The following RUNX1 variants were observed in gnomAD, a reference collection of about 807,000 sequenced individuals.
RUNX1 encodes RUNX family transcription factor 1.
In RUNX1, 19 loss-of-function variants were observed where a neutral mutation model predicts 42.8. The observed-to-expected ratio is 0.44, with a 90% CI of 0.31 to 0.65. RUNX1 has a LOEUF of 0.65. Ranked by LOEUF, RUNX1 falls within the 30% of genes least tolerant of loss-of-function variation. The pLI is 0.07. For synonymous variants in RUNX1, 271 were observed against 289.4 expected (o/e 0.94, Z 0.64); for missense variants, 528 against 672.0 (o/e 0.79, Z 2.37).
At chr21:34,927,052 G>C (rs540205593) in intron 2 of RUNX1, among the ~76,000 whole-genome samples, 1 of 152,192 alleles carries the variant, frequency 6.6e-6, no homozygotes, top group East Asian at 1.9e-4. Context: ...GGAACCAGTT[G>C]CCTGCCCAAA....
chr21:34,808,573 C>T (rs2056715479), intron 7 of RUNX1, among the ~76,000 whole-genome samples: 1 of 152,184 alleles, frequency 6.6e-6, no homozygotes, highest in South Asian at 2.1e-4. Context: ...ACCTCTGTTT[C>T]CTCACCTCTA....
chr21:34,977,352 GA>G (rs1555911476), intron 2 of RUNX1, among the ~76,000 whole-genome samples: 1 of 152,180 alleles, frequency 6.6e-6, no homozygotes, highest in African/African-American at 2.4e-5. Flanking sequence ...CCATTTAGAG[GA>G]AAAAACTTAC....
At chr21:35,041,216 T>A (rs1371312477) in intron 2 of RUNX1, among the ~76,000 whole-genome samples, 2 of 152,242 alleles carry the variant, frequency 1.3e-5, no homozygotes, top group Non-Finnish European at 2.9e-5. Context: ...CAAAGTAGAA[T>A]CTTTGCAAAA....
intron 2 of RUNX1, among the ~76,000 whole-genome samples, chr21:34,970,442 T>C (rs750512393): frequency 6.6e-6 from 1 of 152,236 alleles, no homozygotes; most frequent in Non-Finnish European, 1.5e-5. Flanking sequence ...AGAAGACAGA[T>C]GTGGCAGAAG....
intron 4 of RUNX1, 118 bp downstream of exon 4, chr21:34,886,725 G>C (rs1211199426): frequency 2.0e-6 from 3 of 1,512,346 alleles, no homozygotes; most frequent in Admixed American, 1.9e-5. Context: ...GACCGACCCG[G>C]GGCTGCGGGG....
intron 7 of RUNX1, among the ~76,000 whole-genome samples, chr21:34,800,652 T>A (rs1035570151): frequency 6.6e-6 from 1 of 152,234 alleles, no homozygotes; most frequent in African/African-American, 2.4e-5. Context: ...TTCCAGCAGT[T>A]CAAGTTTGCC....
intron 7 of RUNX1, among the ~76,000 whole-genome samples, chr21:34,808,802 C>T (rs1195994258): frequency 1.3e-5 from 2 of 152,142 alleles, no homozygotes; most frequent in Admixed American, 6.5e-5. Flanking sequence ...GAAAGGGCTA[C>T]GTATTTAGGC....
intron 6 of RUNX1, among the ~76,000 whole-genome samples, chr21:34,858,774 G>A (rs905359821): frequency 2.0e-5 from 3 of 152,288 alleles, no homozygotes; most frequent in Admixed American, 6.5e-5. Context: ...GTGTGGTTCT[G>A]GAAAAGAGCG....
chr21:34,806,456 C>T (rs2056681261), intron 7 of RUNX1, among the ~76,000 whole-genome samples: 1 of 152,088 alleles, frequency 6.6e-6, no homozygotes, highest in African/African-American at 2.4e-5. Flanking sequence ...TATATGTCCA[C>T]CTAAAAACTG....
chr21:34,797,968 C>A (rs1247890114), intron 8 of RUNX1: 4 of 455,980 alleles, frequency 8.8e-6, no homozygotes, highest in East Asian at 7.0e-5. Flanking sequence ...CAGACCCCCC[C>A]CAACAAAGAA....
chr21:35,047,557 ACACACTCTCTCTCTCTCTCT>A (rs1340853311), intron 2 of RUNX1, among the ~76,000 whole-genome samples: 2 of 75,792 alleles, frequency 2.6e-5, no homozygotes, highest in Non-Finnish European at 4.9e-5. Context: ...ACACACACAC[ACACACTCTCTCTCTCTCTCT>A]CTCTCTCTCT....
intron 2 of RUNX1, among the ~76,000 whole-genome samples, chr21:34,936,813 C>A (rs566119291): frequency 1.8e-4 from 28 of 152,296 alleles, no homozygotes; most frequent in African/African-American, 6.3e-4. Context: ...GAACATATAA[C>A]ATCTTCTGTA....
chr21:34,946,096 G>A (rs1569118338), intron 2 of RUNX1, among the ~76,000 whole-genome samples: 1 of 152,172 alleles, frequency 6.6e-6, no homozygotes. Context: ...CCCACTTTTA[G>A]TTAGTCCTGC....
chr21:34,948,777 C>T (rs1430879301), intron 2 of RUNX1, among the ~76,000 whole-genome samples: 1 of 151,818 alleles, frequency 6.6e-6, no homozygotes, highest in Non-Finnish European at 1.5e-5. Context: ...TGGAGTTTCA[C>T]TCTTGTCACC....
At chr21:34,909,254 C>T (rs376917685) in intron 2 of RUNX1, among the ~76,000 whole-genome samples, 22 of 152,214 alleles carry the variant, frequency 1.4e-4, no homozygotes, top group African/African-American at 5.1e-4. Flanking sequence ...TCTTGCTTCG[C>T]TTGCCTTTGA....
intron 7 of RUNX1, among the ~76,000 whole-genome samples, chr21:34,813,824 G>A (rs755202810): frequency 7.2e-5 from 11 of 151,926 alleles, no homozygotes; most frequent in Non-Finnish European, 1.2e-4. Context: ...AGCAACCTCC[G>A]AGACAGCAGA....
intron 2 of RUNX1, among the ~76,000 whole-genome samples, chr21:35,016,325 G>A (rs578046784): frequency 3.3e-5 from 5 of 152,194 alleles, no homozygotes; most frequent in African/African-American, 7.2e-5. Flanking sequence ...ACAGCTTCTT[G>A]TAGACAGCTT....
At chr21:34,967,440 C>T (rs2058729413) in intron 2 of RUNX1, among the ~76,000 whole-genome samples, 1 of 149,926 alleles carries the variant, frequency 6.7e-6, no homozygotes, top group East Asian at 2.0e-4. Context: ...CTCAACTGTG[C>T]CACGTCAGTG....
intron 7 of RUNX1, among the ~76,000 whole-genome samples, chr21:34,806,381 G>A (rs1398357910): frequency 6.6e-6 from 1 of 152,194 alleles, no homozygotes; most frequent in Non-Finnish European, 1.5e-5. Flanking sequence ...ACAATTTTCA[G>A]GGATAAAGAA....
Sources: gnomAD v4.1 joint callset for allele counts (sites outside exome capture counted in the v4.1 genomes callset) on GRCh38, gnomAD v4.1.1 for gene constraint, MANE v1.5 for transcripts, NCBI Gene and HGNC (gene_info 2026-07-23, HGNC 2026-07-21) for gene names.